Variants in CDC73 observed in about 807,000 individuals in gnomAD.
The protein encoded by CDC73 is cell division cycle 73, also known as parafibromin.
In CDC73, 21 loss-of-function variants were observed where a neutral mutation model predicts 83.7. The observed-to-expected ratio is 0.25, with a 90% CI of 0.18 to 0.36. The LOEUF is 0.36. CDC73 is among the 10% of genes least tolerant of loss of function. CDC73 has a pLI of 1.00. For synonymous variants in CDC73, 224 were observed against 212.9 expected (o/e 1.05, Z -0.45); for missense variants, 342 against 653.3 (o/e 0.52, Z 5.19).
In CDC73 at chr1:193,136,331, G is replaced by C. The variant is rs1675799838; in HGVS notation, c.423+742G>C. ...ATGTGTTATGGGTGCTTGCTTTACT[G>C]CTCAGAGCTGTGAACATGAAGTACT... On this transcript the variant is annotated intron_variant, in intron 5 of 16. Coordinates refer to ENST00000367435, the MANE Select transcript of CDC73 (RefSeq NM_024529.5). Among the ~76,000 whole-genome samples, 2 of 152,072 alleles carry C rather than the reference G, an allele frequency of 1.3e-5. 1 individual carries two copies. The highest frequency in any genetic ancestry group is 4.2e-4 in the South Asian group (2 of 4,816).
At chr1:193,204,207 GTATA>G (rs1243655200) in intron 11 of CDC73, among the ~76,000 whole-genome samples, 1 of 14,738 alleles carries the variant, frequency 6.8e-5, no homozygotes, top group African/African-American at 2.9e-4. Flanking sequence ...ATATATACGT[GTATA>G]TATATGTATA....
chr1:193,212,316 T>C, intron 12 of CDC73, 74 bp from the exon 13 acceptor site: 1 of 1,002,550 alleles, frequency 1.0e-6, no homozygotes, highest in Non-Finnish European at 1.5e-6. Context: ...ATTTATAATC[T>C]TTTAACTTTT....
At chr1:193,124,545 C>G (rs900372308) in intron 1 of CDC73, among the ~76,000 whole-genome samples, 1 of 152,168 alleles carries the variant, frequency 6.6e-6, no homozygotes, top group African/African-American at 2.4e-5. Flanking sequence ...CATTAGAGAT[C>G]TTGCACCGTT....
chr1:193,196,797 T>C (rs1677010703), intron 10 of CDC73, among the ~76,000 whole-genome samples: 1 of 152,258 alleles, frequency 6.6e-6, no homozygotes, highest in African/African-American at 2.4e-5. Context: ...GTGTTGATTT[T>C]GTATTCTGCA....
At chr1:193,222,553 A>G (rs994551848) in intron 13 of CDC73, among the ~76,000 whole-genome samples, 1 of 152,086 alleles carries the variant, frequency 6.6e-6, no homozygotes, top group Non-Finnish European at 1.5e-5. Context: ...ATGATAAGTT[A>G]GTTGTTAGTG....
rs2103113863 is a variant in CDC73 at position 193,125,095 on chromosome 1, T to G, written c.132-17T>G. ...TTAGAATTGTCAGTAAAAAAAATCTTGCCTTAATTATTTCAGGACTGGAAA... is the reference window on the plus strand; with the variant it reads ...TTAGAATTGTCAGTAAAAAAAATCTGGCCTTAATTATTTCAGGACTGGAAA... On this transcript the variant is annotated splice_polypyrimidine_tract_variant and intron_variant, in intron 1 of 16. Coordinates refer to ENST00000367435, the MANE Select transcript of CDC73 (RefSeq NM_024529.5). 2 of 1,295,872 alleles carry G rather than the reference T, an allele frequency of 1.5e-6. No homozygotes were observed. Among genetic ancestry groups the G allele is most frequent in the Non-Finnish European group, 2.2e-6 (2 of 889,578 alleles). 80.3% of individuals were successfully genotyped at this position (1,295,872 alleles called of 1,614,324 possible).
intron 10 of CDC73, among the ~76,000 whole-genome samples, chr1:193,175,233 A>T (rs913591133): frequency 6.6e-6 from 1 of 152,202 alleles, no homozygotes; most frequent in African/African-American, 2.4e-5. Context: ...AATATTGGCA[A>T]CAGATTATGT....
intron 2 of CDC73, among the ~76,000 whole-genome samples, chr1:193,128,993 ATT>A (rs756040512): frequency 1.6e-4 from 20 of 128,908 alleles, no homozygotes; most frequent in East Asian, 2.2e-4. Flanking sequence ...CGCCCGGCTA[ATT>A]TTTTTTTTTT....
intron 7 of CDC73, among the ~76,000 whole-genome samples, chr1:193,142,704 A>G (rs533067342): frequency 9.9e-5 from 15 of 151,276 alleles, no homozygotes; most frequent in African/African-American, 3.6e-4. Flanking sequence ...ATTATGAATA[A>G]TGCATTAGAA....
chr1:193,203,929 C>T (rs754673968), intron 11 of CDC73, 77 bp downstream of exon 11: 4 of 1,168,492 alleles, frequency 3.4e-6, no homozygotes, highest in Non-Finnish European at 5.1e-6. Flanking sequence ...GCGTATAATG[C>T]TTTGAACAAA....
rs1346869525 is a variant in CDC73, at chr1:193,169,714, G to A, written c.972+17270G>A. Among the ~76,000 whole-genome samples, 6 of 152,254 alleles carry A rather than the reference G, an allele frequency of 3.9e-5. No homozygotes were observed. In the East Asian group the frequency reaches 1.2e-3, roughly 29 times the overall value. On this transcript the variant is annotated intron_variant, in intron 10 of 16. Coordinates refer to ENST00000367435, the MANE Select transcript of CDC73 (RefSeq NM_024529.5). ...TTATAAAGCAATAAGAGGCAATGCT[G>A]TAAGATGTATTTCCAAATGAGTTTT...
chr1:193,219,268 A>AG (rs1175188659), intron 13 of CDC73, among the ~76,000 whole-genome samples: 2 of 152,196 alleles, frequency 1.3e-5, no homozygotes, highest in African/African-American at 4.8e-5. Context: ...TGTGGAGAAA[A>AG]GGGAATGCTT....
In CDC73 at chr1:193,250,856, CAT is replaced by C; in HGVS notation, c.*148_*149del. On this transcript the variant is annotated 3_prime_UTR_variant, in exon 17 of 17. Coordinates refer to ENST00000367435, the MANE Select transcript of CDC73 (RefSeq NM_024529.5). ...CTTCAAGGAGATGATACCTGTCATC[CAT>C]ATAAGCAAACTTTTTGGCTTACAAC... 1 of 715,564 alleles carries C rather than the reference CAT, an allele frequency of 1.4e-6. No homozygotes were observed. The highest frequency in any genetic ancestry group is 2.4e-6 in the Non-Finnish European group (1 of 412,020). 44.3% of individuals were successfully genotyped at this position (715,564 alleles called of 1,614,324 possible). A position where few individuals can be genotyped will look rare whatever the true frequency, so the allele number is the denominator to read the frequency against.
intron 5 of CDC73, chr1:193,136,522 G>T: frequency 3.5e-6 from 1 of 282,596 alleles, no homozygotes; most frequent in Admixed American, 3.5e-5. Flanking sequence ...TAGATGATAT[G>T]CATAGTACTC....
intron 8 of CDC73, among the ~76,000 whole-genome samples, chr1:193,149,990 A>G (rs1049438904): frequency 6.6e-6 from 1 of 152,114 alleles, no homozygotes. Context: ...TCGTAAAGGT[A>G]CTTTAGCCAG....
At chr1:193,250,459 T>C (rs1052447729) in intron 16 of CDC73, among the ~76,000 whole-genome samples, 6 of 151,804 alleles carry the variant, frequency 4.0e-5, no homozygotes, top group African/African-American at 1.4e-4. Flanking sequence ...GTGAAACATA[T>C]ATTATTTTAG....
chr1:193,183,525 C>A (rs1344271491), intron 10 of CDC73, among the ~76,000 whole-genome samples: 2 of 150,660 alleles, frequency 1.3e-5, no homozygotes, highest in Non-Finnish European at 3.0e-5. Flanking sequence ...CTGCTGTAAG[C>A]TAAGCTGAAA....
intron 10 of CDC73, among the ~76,000 whole-genome samples, chr1:193,198,992 TAGGG>T: frequency 6.6e-6 from 1 of 152,296 alleles, no homozygotes; most frequent in South Asian, 2.1e-4. Flanking sequence ...TTTCTGGGCT[TAGGG>T]AAAGAAAGAT....
chr1:193,210,024 C>T (rs1351049434), intron 11 of CDC73, among the ~76,000 whole-genome samples: 1 of 152,138 alleles, frequency 6.6e-6, no homozygotes, highest in South Asian at 2.1e-4. Context: ...TTATATTCCA[C>T]ATGACACTAT....
Sources: allele counts gnomAD v4.1 joint callset (sites outside exome capture counted in the v4.1 genomes callset), GRCh38; gene constraint gnomAD v4.1.1; transcripts MANE v1.5; gene names NCBI Gene and HGNC (gene_info 2026-07-23, HGNC 2026-07-21).